The following RDH10 variants were observed in gnomAD, a reference collection of about 807,000 sequenced individuals.
RDH10 encodes the protein retinol dehydrogenase 10 (all-trans).
Under a neutral mutation model 30.2 loss-of-function variants are expected in RDH10, and 12 were observed. The ratio of observed to expected loss-of-function variants is 0.40; its 90% CI spans 0.25 to 0.64. The LOEUF (loss-of-function observed/expected upper bound fraction) is 0.64. RDH10 is among the 30% of genes least tolerant of loss of function. RDH10 has a pLI of 0.43. For synonymous variants in RDH10, 189 were observed against 172.2 expected, an observed-to-expected ratio of 1.10 and a Z score of -0.76; for missense variants, 268 against 445.2, an observed-to-expected ratio of 0.60 and a Z score of 3.58.
chr8:73,311,201 C>T (rs940262665), intron 2 of RDH10: 1 of 152,178 alleles, frequency 6.6e-6, no homozygotes. Context: ...TCTTGTCTCA[C>T]AAATGAGTTT....
chr8:73,306,044 A>C (rs1814458800), intron 2 of RDH10, among the ~76,000 whole-genome samples: 1 of 152,250 alleles, frequency 6.6e-6, no homozygotes, highest in Admixed American at 6.5e-5. Context: ...ATTGGAAAAT[A>C]ACTCAGAAGA....
At chr8:73,307,353 G>A (rs1296639520) in intron 2 of RDH10, among the ~76,000 whole-genome samples, 10 of 152,288 alleles carry the variant, frequency 6.6e-5, no homozygotes, top group African/African-American at 1.7e-4. Flanking sequence ...GTGGAGGGCA[G>A]GGAGGACTAG....
Position 73,295,379 on chromosome 8 carries a change from G to A in RDH10, c.90G>A (p.Lys30=), listed in dbSNP as rs982793521. 8 of 1,557,620 alleles carry A rather than the reference G, an allele frequency of 5.1e-6. No homozygotes were observed. In the African/African-American group the frequency reaches 6.8e-5, roughly 13 times the overall value. Residue 30 remains lysine (K), a synonymous_variant, in exon 1 of 6, where the codon AAG becomes AAA. Transcript: ENST00000240285. The part of the protein sequence containing the change: ...LAAARWLVRP[K]EKSVAGQVCL... ...CGGCGCGCTGGCTGGTGCGGCCCAAGGAGAAGAGCGTGGCGGGCCAGGTGT... is the reference window on the plus strand; with the variant it reads ...CGGCGCGCTGGCTGGTGCGGCCCAAAGAGAAGAGCGTGGCGGGCCAGGTGT...
rs537091676 is a variant in RDH10, at chr8:73,296,793, C to T, written c.290-401C>T. Among the ~76,000 whole-genome samples the T allele has an allele frequency of 1.9e-4, 29 of 152,194 alleles. 1 individual carries two copies. Among genetic ancestry groups the T allele is most frequent in the Admixed American group, 1.6e-3 (24 of 15,278 alleles). On this transcript the variant is annotated intron_variant, in intron 1 of 5. Transcript: ENST00000240285. ...ATTTTGAGGGTTCTCATACTAAAGA[C>T]TAAGAGCTGTTTCTCTTGGGCCACT...
chr8:73,297,560 A>G (rs1791690322), intron 2 of RDH10, 131 bp downstream of exon 2: 3 of 672,346 alleles, frequency 4.5e-6, no homozygotes, highest in Non-Finnish European at 5.4e-6. Context: ...GCTCTTCCCT[A>G]TGGTAAACTG....
chr8:73,300,239 T>C lies in RDH10; in HGVS notation c.525+2810T>C, dbSNP rs555509912. ...CTTCTTGCTGAAATTTACAAATCTT[T>C]TGAGAAGTTTTGATTCAGCAACCAA... On this transcript the variant is annotated intron_variant, in intron 2 of 5. Coordinates refer to ENST00000240285, the MANE Select transcript of RDH10 (RefSeq NM_172037.5). 2.0e-5 allele frequency: 3 copies of C among 152,344 alleles called. No homozygotes were observed. In the South Asian group the frequency reaches 6.2e-4, roughly 32 times the overall value. The allele number at this position is 152,344 out of a possible 1,614,324, so 9.4% of individuals were successfully genotyped here.
intron 1 of RDH10, among the ~76,000 whole-genome samples, chr8:73,296,266 A>G (rs898763946): frequency 1.3e-5 from 2 of 152,288 alleles, no homozygotes; most frequent in African/African-American, 4.8e-5. Flanking sequence ...AGCCAAAGCA[A>G]AGTCCATAAC....
chr8:73,308,841 CTT>C (rs1773242398), intron 2 of RDH10, among the ~76,000 whole-genome samples: 4 of 152,144 alleles, frequency 2.6e-5, no homozygotes, highest in Admixed American at 2.6e-4. Context: ...TCACTGAACT[CTT>C]AGGAGAGTTG....
intron 3 of RDH10, 39 bp from the exon 4 acceptor site, chr8:73,320,893 T>C (rs1167028215): frequency 6.2e-7 from 1 of 1,610,374 alleles, no homozygotes; most frequent in Non-Finnish European, 8.5e-7. Flanking sequence ...GATAGGGGCA[T>C]ATGCTTAGTA....
At chr8:73,317,865 A>G (rs1814700277) in intron 2 of RDH10, among the ~76,000 whole-genome samples, 1 of 151,928 alleles carries the variant, frequency 6.6e-6, no homozygotes, top group African/African-American at 2.4e-5. Flanking sequence ...GGCTGCAGTG[A>G]GCTATGATTA....
chr8:73,307,191 A>G (rs1814479212), intron 2 of RDH10, among the ~76,000 whole-genome samples: 1 of 152,172 alleles, frequency 6.6e-6, no homozygotes, highest in Non-Finnish European at 1.5e-5. Flanking sequence ...GAAGGATTAG[A>G]AAGGTGGTGG....
chr8:73,305,178 A>T (rs1363314943), intron 2 of RDH10, among the ~76,000 whole-genome samples: 1 of 152,172 alleles, frequency 6.6e-6, no homozygotes, highest in East Asian at 1.9e-4. Flanking sequence ...GGTCACTACA[A>T]ACCCTGTAGT....
chr8:73,321,723 T>C, intron 4 of RDH10: 1 of 440,110 alleles, frequency 2.3e-6, no homozygotes, highest in Non-Finnish European at 4.6e-6. Context: ...AGAGGATGCT[T>C]GTGAAGACAT....
chr8:73,322,560 A>G, intron 4 of RDH10, 119 bp from the exon 5 acceptor site: 1 of 872,224 alleles, frequency 1.1e-6, no homozygotes, highest in Non-Finnish European at 1.7e-6. Flanking sequence ...TATGAAGAAA[A>G]CAAAATGTAC....
At chr8:73,311,892 A>T (rs951873314) in intron 2 of RDH10, 1 of 152,254 alleles carries the variant, frequency 6.6e-6, no homozygotes, top group Non-Finnish European at 1.5e-5. Flanking sequence ...CAACATATGC[A>T]TGTTAGAATT....
chr8:73,295,682 G>A, intron 1 of RDH10, 104 bp downstream of exon 1: 1 of 1,195,496 alleles, frequency 8.4e-7, no homozygotes, highest in South Asian at 1.6e-5. Flanking sequence ...CCCCGCTGTG[G>A]AGGAAAGGAA....
intron 2 of RDH10, among the ~76,000 whole-genome samples, chr8:73,313,673 G>C (rs1814612447): frequency 6.6e-6 from 1 of 151,996 alleles, no homozygotes; most frequent in South Asian, 2.1e-4. Flanking sequence ...TTCATATATT[G>C]GTTACTGACT....
chr8:73,297,216 T>A lies in RDH10; in HGVS notation c.312T>A (p.Ile104=). ...CAGCTGGGAATGGTGAGGAAGAAAT[T>A]CTGCCCCACTGTAACTTGCAGGTTT... ...ALQAGNGEEE[I]LPHCNLQVFT... Residue 104 remains isoleucine (I), a synonymous_variant, in exon 2 of 6, where the codon ATT becomes ATA. Transcript: ENST00000240285. 6.2e-7 allele frequency: 1 copy of A among 1,612,530 alleles called. No homozygotes were observed. The highest frequency in any genetic ancestry group is 8.5e-7 in the Non-Finnish European group (1 of 1,178,470).
intron 2 of RDH10, among the ~76,000 whole-genome samples, chr8:73,314,061 C>T (rs982835349): frequency 6.6e-5 from 10 of 152,200 alleles, no homozygotes; most frequent in South Asian, 2.1e-4. Flanking sequence ...GTTCTTCTGA[C>T]GACTCTTTGA....
Sources: gnomAD v4.1 joint callset for allele counts (sites outside exome capture counted in the v4.1 genomes callset) on GRCh38, gnomAD v4.1.1 for gene constraint, MANE v1.5 for transcripts, NCBI Gene and HGNC (gene_info 2026-07-23, HGNC 2026-07-21) for gene names.